The following MMAA variants were observed in gnomAD, a reference collection of about 807,000 sequenced individuals.
MMAA encodes the protein metabolism of cobalamin associated A.
A neutral mutation model predicts 45.0 loss-of-function variants in MMAA; 41 were observed. That is an observed-to-expected ratio of 0.91 (90% CI 0.71 to 1.18). MMAA has a LOEUF of 1.18. Ranked by LOEUF, MMAA falls within the 50% of genes most tolerant of loss-of-function variation. MMAA has a pLI of 0.00. For missense variants in MMAA, 460 were observed against 495.7 expected, an observed-to-expected ratio of 0.93 and a Z score of 0.68; for synonymous variants, 154 against 178.2, an observed-to-expected ratio of 0.86 and a Z score of 1.08.
rs903547988 is a variant in MMAA, at chr4:145,654,149, C to T, written c.969+6C>T. 6.2e-7 allele frequency: 1 copy of T among 1,614,046 alleles called. No individual in the cohort carries two copies. Among genetic ancestry groups the T allele is most frequent in the Non-Finnish European group, 8.5e-7 (1 of 1,179,946 alleles). ...CACAAGTCTGGAAACCAAAGGTAAG[C>T]TTGCTTGCATTCTGTATCTTTCACT... On this transcript the variant is annotated splice_donor_region_variant and intron_variant, in intron 6 of 6. Coordinates refer to ENST00000649156, the MANE Select transcript of MMAA (RefSeq NM_172250.3).
intron 1 of MMAA, among the ~76,000 whole-genome samples, chr4:145,622,993 A>C (rs1346041112): frequency 6.6e-6 from 1 of 152,250 alleles, no homozygotes; most frequent in Non-Finnish European, 1.5e-5. Context: ...TCTGGAAAGC[A>C]GCAAATATAT....
chr4:145,631,231 A>G (rs189100650), intron 1 of MMAA, among the ~76,000 whole-genome samples: 33 of 152,326 alleles, frequency 2.2e-4, no homozygotes, highest in African/African-American at 6.3e-4. Context: ...GATATGTCCA[A>G]TACTGAAAGT....
At position 145,639,380 on chromosome 4, in the gene MMAA, A is replaced by G. The variant is rs1289736242; in HGVS notation, c.241A>G (p.Lys81Glu). ...GGACCACACAGAAGGACTTTCTGAT[A>G]AAGAGCAAAGATTTGTGGATAAACT... The part of the protein sequence containing the change: ...LKDHTEGLSD[K>E]EQRFVDKLYT... Residue 81 changes from lysine to glutamate, a missense_variant, in exon 2 of 7, where the codon AAA (lysine) becomes GAA (glutamate). Coordinates refer to ENST00000649156, the MANE Select transcript of MMAA (RefSeq NM_172250.3). 1 of 1,614,216 alleles carries G rather than the reference A, an allele frequency of 6.2e-7. No homozygotes were observed. The highest frequency in any genetic ancestry group is 1.7e-5 in the Admixed American group (1 of 60,028).
intron 5 of MMAA, among the ~76,000 whole-genome samples, chr4:145,651,643 G>A (rs1728092775): frequency 6.6e-6 from 1 of 152,194 alleles, no homozygotes; most frequent in African/African-American, 2.4e-5. Flanking sequence ...AAGCTCCAGG[G>A]TTCCCAGGCC....
chr4:145,652,078 T>G (rs1029203226), intron 5 of MMAA, among the ~76,000 whole-genome samples: 1 of 152,038 alleles, frequency 6.6e-6, no homozygotes, highest in Non-Finnish European at 1.5e-5. Context: ...AAGCACTATA[T>G]TACAATTGCA....
chr4:145,639,338 G>A lies in MMAA; in HGVS notation c.199G>A (p.Val67Ile). 1.9e-6 allele frequency: 3 copies of A among 1,614,138 alleles called. No homozygotes were observed. Among genetic ancestry groups the A allele is most frequent in the Non-Finnish European group, 1.7e-6 (2 of 1,180,036 alleles). ...LSDGLKRKLC[V>I]QTTLKDHTEG... is the part of the protein sequence containing the mutation. The stretch of plus-strand genomic sequence containing the variant: ...AGATGGCTTAAAGAGAAAATTATGT[G>A]TACAAACAACCTTAAAGGACCACAC... The change falls in exon 2 of 7, where the codon GTA becomes ATA. Residue 67 changes from valine to isoleucine, a missense_variant. Coordinates refer to ENST00000649156, the MANE Select transcript of MMAA (RefSeq NM_172250.3).
chr4:145,654,812 G>A (rs1281764348), intron 6 of MMAA, among the ~76,000 whole-genome samples: 2 of 152,116 alleles, frequency 1.3e-5, no homozygotes, highest in Non-Finnish European at 2.9e-5. Context: ...TCAGTCCTCA[G>A]GGGAACCTAC....
rs1485100126 is a variant in MMAA, at chr4:145,646,032, T to G, written c.609T>G (p.Asp203Glu). The G allele has an allele frequency of 6.2e-6, 10 of 1,614,110 alleles. No homozygotes were observed. Among genetic ancestry groups the G allele is most frequent in the Non-Finnish European group, 8.5e-6 (10 of 1,179,972 alleles). The change falls in exon 4 of 7, where the codon GAT becomes GAG. Residue 203 changes from aspartate to glutamate, a missense_variant. By Grantham distance (45) the Asp-to-Glu change is conservative. Transcript: ENST00000649156. Reference sequence around the variant, plus strand: ...CCCGAATGACTGAGTTATCAAGAGATATGAATGCATACATCAGGCCATCTC... The same window carrying G: ...CCCGAATGACTGAGTTATCAAGAGAGATGAATGCATACATCAGGCCATCTC... Reference protein sequence around the residue: ...DKTRMTELSRDMNAYIRPSPT... With the variant: ...DKTRMTELSREMNAYIRPSPT...
chr4:145,625,504 AGGGCCCAATATTT>A (rs1341047407), intron 1 of MMAA: 4 of 641,528 alleles, frequency 6.2e-6, no homozygotes, highest in African/African-American at 1.8e-5. Context: ...TTCTCCAGGA[AGGGCCCAATATTT>A]GATGAACTAG....
Position 145,642,346 on chromosome 4 carries a change from ATCTC to A in MMAA, c.440-15_440-12del. 1 of 1,613,436 alleles carries A rather than the reference ATCTC, an allele frequency of 6.2e-7. No individual in the cohort carries two copies. Among genetic ancestry groups the A allele is most frequent in the Non-Finnish European group, 8.5e-7 (1 of 1,179,818 alleles). ...TTCATTTGTTTCATTGAATTAGAAGATCTCTTTCCACCGTAGGATTGTCTGGGCC... is the reference window on the plus strand; with the variant it reads ...TTCATTTGTTTCATTGAATTAGAAGATTTCCACCGTAGGATTGTCTGGGCC... On this transcript the variant is annotated splice_polypyrimidine_tract_variant and intron_variant, in intron 2 of 6. Coordinates refer to ENST00000649156, the MANE Select transcript of MMAA (RefSeq NM_172250.3).
chr4:145,649,611 AT>A (rs1728033711), intron 4 of MMAA, among the ~76,000 whole-genome samples: 1 of 152,210 alleles, frequency 6.6e-6, no homozygotes, highest in African/African-American at 2.4e-5. Flanking sequence ...TGACTCATTC[AT>A]CATATCTCGC....
intron 1 of MMAA, among the ~76,000 whole-genome samples, chr4:145,623,799 T>G (rs1004510218): frequency 6.6e-6 from 1 of 152,160 alleles, no homozygotes; most frequent in African/African-American, 2.4e-5. Context: ...TACAGAAATA[T>G]TTCATTTTTA....
chr4:145,629,990 G>C (rs1734298509), intron 1 of MMAA, among the ~76,000 whole-genome samples: 1 of 152,104 alleles, frequency 6.6e-6, no homozygotes, highest in African/African-American at 2.4e-5. Context: ...AATGTCTTTG[G>C]TTTGGGTATC....
At chr4:145,651,447 G>A (rs995276572) in intron 5 of MMAA, among the ~76,000 whole-genome samples, 1 of 152,178 alleles carries the variant, frequency 6.6e-6, no homozygotes, top group African/African-American at 2.4e-5. Flanking sequence ...GATGTTGTTA[G>A]TACGTTGATT....
rs115664448 is a variant in MMAA, at chr4:145,648,425, T to G, written c.733+2269T>G. 2.2e-3 allele frequency among the ~76,000 whole-genome samples: 340 copies of G among 152,152 alleles called. 2 individuals carry two copies. Among genetic ancestry groups the G allele is most frequent in the African/African-American group, 7.8e-3 (323 of 41,504 alleles). On this transcript the variant is annotated intron_variant, in intron 4 of 6. Coordinates refer to ENST00000649156, the MANE Select transcript of MMAA (RefSeq NM_172250.3). Reference sequence around the variant, plus strand: ...CCTGCCAAAGTATTGGGATTACAGGTGTGAGCTACCGCACCCGGCCTAACT... The same window carrying G: ...CCTGCCAAAGTATTGGGATTACAGGGGTGAGCTACCGCACCCGGCCTAACT...
Position 145,642,435 on chromosome 4 carries a change from G to C in MMAA, c.512G>C (p.Gly171Ala), listed in dbSNP as rs755659791. Residue 171 changes from glycine (G) to alanine (A), a missense_variant, in exon 3 of 7, where the codon GGG becomes GCG. Gly to Ala is a moderately conservative substitution (Grantham distance 60). Coordinates refer to ENST00000649156, the MANE Select transcript of MMAA (RefSeq NM_172250.3). ...EYFGKMLTERGHKLSVLAVDP... is the reference protein window; with the variant it reads ...EYFGKMLTERAHKLSVLAVDP... ...TTTGGAAAAATGCTTACTGAGAGAG[G>C]GCACAAATTATCTGTGCTAGCTGTG... 32 of 1,613,986 alleles carry C rather than the reference G, an allele frequency of 2.0e-5. No homozygotes were observed. The highest frequency in any genetic ancestry group is 2.6e-5 in the Non-Finnish European group (31 of 1,179,942).
At chr4:145,652,866 A>G (rs1005737544) in intron 5 of MMAA, among the ~76,000 whole-genome samples, 35 of 151,518 alleles carry the variant, frequency 2.3e-4, no homozygotes, top group African/African-American at 7.3e-5. Context: ...AAACCAGACA[A>G]ATTTTTTCCT....
chr4:145,648,537 G>C (rs905696657), intron 4 of MMAA, among the ~76,000 whole-genome samples: 1 of 152,170 alleles, frequency 6.6e-6, no homozygotes, highest in Non-Finnish European at 1.5e-5. Context: ...TTAAAAAGTA[G>C]ATGAATGAAG....
intron 3 of MMAA, among the ~76,000 whole-genome samples, chr4:145,645,126 GAT>G (rs1486524225): frequency 6.6e-6 from 1 of 152,206 alleles, no homozygotes; most frequent in South Asian, 2.1e-4. Context: ...GCAGCTTGAA[GAT>G]ATATTTGTGT....
Sources: allele counts gnomAD v4.1 joint callset (sites outside exome capture counted in the v4.1 genomes callset), GRCh38; gene constraint gnomAD v4.1.1; transcripts MANE v1.5; gene names NCBI Gene and HGNC (gene_info 2026-07-23, HGNC 2026-07-21).